Variants in FOXP2 observed in about 807,000 individuals in gnomAD.
FOXP2 encodes forkhead box P2.
FOXP2 carries 12 observed loss-of-function variants against 115.8 expected under a neutral mutation model. That is an observed-to-expected ratio of 0.10 (90% CI 0.07 to 0.17). The LOEUF (loss-of-function observed/expected upper bound fraction) is 0.17. Ranked by LOEUF, FOXP2 falls within the 10% of genes least tolerant of loss-of-function variation. The pLI, the probability that FOXP2 is intolerant of heterozygous loss-of-function variation, is 1.00. For missense variants in FOXP2, 629 were observed against 843.5 expected (o/e 0.75, Z 3.15); for synonymous variants, 328 against 297.7 (o/e 1.10, Z -1.05).
At chr7:114,579,310 A>G (rs1328944700) in intron 3 of FOXP2, among the ~76,000 whole-genome samples, 1 of 152,234 alleles carries the variant, frequency 6.6e-6, no homozygotes, top group Non-Finnish European at 1.5e-5. Context: ...TACTAAGTTC[A>G]TAACATAAAA....
intron 15 of FOXP2, 82 bp downstream of exon 15, chr7:114,663,601 G>A: frequency 9.6e-7 from 1 of 1,043,684 alleles, no homozygotes. Flanking sequence ...ATTTAGGTGA[G>A]ATTGTGATTG....
intron 1 of FOXP2, among the ~76,000 whole-genome samples, chr7:114,182,521 A>G (rs943912960): frequency 6.6e-6 from 1 of 152,072 alleles, no homozygotes; most frequent in African/African-American, 2.4e-5. Flanking sequence ...TCTTTCAAAT[A>G]TCAAGAGATA....
intron 1 of FOXP2, among the ~76,000 whole-genome samples, chr7:114,124,728 C>T (rs1791657861): frequency 6.6e-6 from 1 of 151,864 alleles, no homozygotes; most frequent in Non-Finnish European, 1.5e-5. Flanking sequence ...TTCCTCTTCC[C>T]AACCCCCTCT....
At chr7:114,565,601 G>T (rs1800979672) in intron 3 of FOXP2, among the ~76,000 whole-genome samples, 2 of 152,102 alleles carry the variant, frequency 1.3e-5, no homozygotes, top group South Asian at 4.1e-4. Flanking sequence ...AACCTGTATA[G>T]TCAGATATGT....
intron 1 of FOXP2, among the ~76,000 whole-genome samples, chr7:114,108,400 T>C (rs554726861): frequency 6.6e-6 from 1 of 152,098 alleles, no homozygotes; most frequent in East Asian, 1.9e-4. Context: ...ATTATGTTTT[T>C]AGTAATTTAG....
intron 2 of FOXP2, among the ~76,000 whole-genome samples, chr7:114,478,257 C>G (rs1188604191): frequency 6.6e-6 from 1 of 151,704 alleles, no homozygotes; most frequent in African/African-American, 2.4e-5. Context: ...CTCTACAATA[C>G]CAATGTTTTG....
intron 1 of FOXP2, among the ~76,000 whole-genome samples, chr7:114,274,983 T>C (rs998103127): frequency 3.9e-5 from 6 of 152,032 alleles, no homozygotes; most frequent in Non-Finnish European, 7.4e-5. Flanking sequence ...TTCTATTCTC[T>C]CTCCTTGCTT....
chr7:114,293,166 A>G (rs1352624002), intron 2 of FOXP2, among the ~76,000 whole-genome samples: 2 of 152,140 alleles, frequency 1.3e-5, no homozygotes, highest in African/African-American at 4.8e-5. Flanking sequence ...GGCCTATGTC[A>G]TCAATAGAAT....
At chr7:114,667,747 C>T (rs1027982667) in intron 16 of FOXP2, 3 of 152,114 alleles carry the variant, frequency 2.0e-5, no homozygotes, top group African/African-American at 7.2e-5. Context: ...CTGTTATCAG[C>T]TTGACTTTGA....
Position 114,257,852 on chromosome 7 carries a change from A to G in FOXP2, c.-101-30167A>G, listed in dbSNP as rs530764144. Among the ~76,000 whole-genome samples, 13 of 152,324 alleles carry G rather than the reference A, an allele frequency of 8.5e-5. No homozygotes were observed. The East Asian group carries it at 1.5e-3, about 18-fold the overall frequency. ...TCCAGGGAAATCCTTGAGCAAATGC[A>G]GATTCCCTTACATGGGAGCATGCTT... On this transcript the variant is annotated intron_variant, in intron 1 of 17. Transcript: ENST00000634411.
intron 1 of FOXP2, among the ~76,000 whole-genome samples, chr7:114,256,596 A>G (rs977221671): frequency 1.3e-5 from 2 of 152,178 alleles, no homozygotes; most frequent in African/African-American, 4.8e-5. Context: ...GACTCTGGAT[A>G]TTAGGCCATT....
chr7:114,675,764 T>C (rs932191877), intron 16 of FOXP2, among the ~76,000 whole-genome samples: 1 of 152,154 alleles, frequency 6.6e-6, no homozygotes, highest in Non-Finnish European at 1.5e-5. Flanking sequence ...AATCTATGCA[T>C]ATCAATGGGG....
At chr7:114,466,677 G>A (rs1795812240) in intron 2 of FOXP2, among the ~76,000 whole-genome samples, 1 of 152,108 alleles carries the variant, frequency 6.6e-6, no homozygotes, top group African/African-American at 2.4e-5. Flanking sequence ...GAACACTTGT[G>A]TTGAAACTTT....
chr7:114,455,824 T>C (rs2129221719), intron 2 of FOXP2, among the ~76,000 whole-genome samples: 1 of 152,276 alleles, frequency 6.6e-6, no homozygotes, highest in African/African-American at 2.4e-5. Context: ...ACATCCAGAA[T>C]CCTTCCCACA....
intron 1 of FOXP2, among the ~76,000 whole-genome samples, chr7:114,176,029 G>C (rs1442923951): frequency 6.6e-6 from 1 of 151,884 alleles, no homozygotes; most frequent in Non-Finnish European, 1.5e-5. Flanking sequence ...TATTGAATTA[G>C]TGTTTATCTG....
At chr7:114,411,475 A>G (rs575727629), upstream of FOXP2, among the ~76,000 whole-genome samples, 39 of 152,222 alleles carry the variant, frequency 2.6e-4, no homozygotes, top group East Asian at 5.4e-3. Context: ...TGGAGACTTG[A>G]CCATTTTTGA....
chr7:114,492,762 C>T (rs1797126456), intron 2 of FOXP2, among the ~76,000 whole-genome samples: 1 of 152,142 alleles, frequency 6.6e-6, no homozygotes, highest in Admixed American at 6.6e-5. Flanking sequence ...TTTGATTGCA[C>T]TGTGGTCTGA....
chr7:114,473,322 C>T (rs1011877857), intron 2 of FOXP2, among the ~76,000 whole-genome samples: 8 of 152,122 alleles, frequency 5.3e-5, no homozygotes, highest in Non-Finnish European at 1.0e-4. Flanking sequence ...GACTCATCCC[C>T]AAACCTTGGT....
At chr7:114,281,201 A>AC (rs1796329299) in intron 1 of FOXP2, among the ~76,000 whole-genome samples, 1 of 136,826 alleles carries the variant, frequency 7.3e-6, no homozygotes, top group Non-Finnish European at 1.5e-5. Context: ...TCCCGGGTTT[A>AC]AGCAATGCTC....
Sources: gnomAD v4.1 joint callset for allele counts (sites outside exome capture counted in the v4.1 genomes callset) on GRCh38, gnomAD v4.1.1 for gene constraint, MANE v1.5 for transcripts, NCBI Gene and HGNC (gene_info 2026-07-23, HGNC 2026-07-21) for gene names.